Variants in PTPRN2 observed in about 807,000 individuals in gnomAD.
PTPRN2 encodes receptor-type tyrosine-protein phosphatase N2.
Under a neutral mutation model 118.8 loss-of-function variants are expected in PTPRN2, and 74 were observed. The ratio of observed to expected loss-of-function variants is 0.62; its 90% CI spans 0.52 to 0.76. PTPRN2 has a LOEUF of 0.76. Ranked by LOEUF, PTPRN2 falls within the 30% of genes least tolerant of loss-of-function variation. The probability of loss-of-function intolerance (pLI) is 0.00; values close to 1 mark genes in which losing one functional copy is unlikely to be tolerated. For synonymous variants in PTPRN2, 641 were observed against 608.0 expected (o/e 1.05, Z -0.80); for missense variants, 1,481 against 1,394.4 (o/e 1.06, Z -0.99).
intron 2 of PTPRN2, among the ~76,000 whole-genome samples, chr7:158,404,606 G>A (rs1003727710): frequency 6.6e-6 from 1 of 152,072 alleles, no homozygotes; most frequent in Non-Finnish European, 1.5e-5. Flanking sequence ...CGGGAGTCCT[G>A]TGCCAGAAAC....
At chr7:158,318,101 G>A (rs1319252637) in intron 2 of PTPRN2, among the ~76,000 whole-genome samples, 2 of 152,124 alleles carry the variant, frequency 1.3e-5, no homozygotes, top group African/African-American at 4.8e-5. Flanking sequence ...ATGCCTGCGA[G>A]GCCACACAAA....
chr7:158,090,469 T>C (rs1044249457), intron 10 of PTPRN2, among the ~76,000 whole-genome samples: 1 of 152,260 alleles, frequency 6.6e-6, no homozygotes, highest in Non-Finnish European at 1.5e-5. Context: ...ACTGTAATTT[T>C]AGCTATAGTT....
chr7:158,272,697 C>T lies in PTPRN2; in HGVS notation c.277+44122G>A, dbSNP rs1798595243. On this transcript the variant is annotated intron_variant, in intron 3 of 22. Transcript: ENST00000389418. ...GTGAGGGGAGGTCTCAGCGCCACTG[C>T]CGGGATAAGCCCTCAGGATGGAGAC... Among the ~76,000 whole-genome samples the T allele has an allele frequency of 3.3e-5, 5 of 152,302 alleles. No individual in the cohort carries two copies. The South Asian group carries it at 1.0e-3, about 32-fold the overall frequency.
intron 11 of PTPRN2, among the ~76,000 whole-genome samples, chr7:158,045,922 G>T (rs35501365): frequency 0.57 from 69,954 of 122,260 alleles, 19,668 homozygotes; most frequent in African/African-American, 0.64. Flanking sequence ...TGACACTGCC[G>T]TGTTCTGTCC....
rs11974503 is a variant in PTPRN2 at position 158,112,709 on chromosome 7, T to C, written c.1557-1794A>G. On this transcript the variant is annotated intron_variant, in intron 9 of 22. Transcript: ENST00000389418. The stretch of plus-strand genomic sequence containing the variant: ...TGCTGAGGGGCGACGTGTCTGTCAG[T>C]GCAGAGGTCAAAGGCCCCAGCGGGG... 3.4e-3 allele frequency among the ~76,000 whole-genome samples: 520 copies of C among 150,844 alleles called. 5 individuals carry two copies. The highest frequency in any genetic ancestry group is 0.012 in the African/African-American group (499 of 40,964).
chr7:158,325,663 G>A (rs1803443890), intron 2 of PTPRN2, among the ~76,000 whole-genome samples: 1 of 152,220 alleles, frequency 6.6e-6, no homozygotes, highest in South Asian at 2.1e-4. Flanking sequence ...CGAAGCCTTT[G>A]CAGATGAGAG....
At chr7:158,192,126 G>C (rs1002613648) in intron 5 of PTPRN2, among the ~76,000 whole-genome samples, 2 of 152,176 alleles carry the variant, frequency 1.3e-5, no homozygotes, top group African/African-American at 4.8e-5. Context: ...AGAGGACTAA[G>C]CATTTGTGGG....
Position 158,581,503 on chromosome 7 carries a change from AAAAAG to A in PTPRN2, c.112+6050_112+6054del, listed in dbSNP as rs201608602. Reference sequence around the variant, plus strand: ...AATCTATATGTAACACAGTACACCAAAAAAGAAAAGTCCATTTTACTTTATGATAA... The same window carrying A: ...AATCTATATGTAACACAGTACACCAAAAAAGTCCATTTTACTTTATGATAA... On this transcript the variant is annotated intron_variant, in intron 1 of 22. Coordinates refer to ENST00000389418, the MANE Select transcript of PTPRN2 (RefSeq NM_002847.5). Among the ~76,000 whole-genome samples, 417 of 152,290 alleles carry A rather than the reference AAAAAG, an allele frequency of 2.7e-3. 3 individuals carry two copies. The highest frequency in any genetic ancestry group is 9.5e-3 in the African/African-American group (394 of 41,546).
At chr7:157,878,635 C>T (rs1336102610) in intron 12 of PTPRN2, among the ~76,000 whole-genome samples, 36 of 143,562 alleles carry the variant, frequency 2.5e-4, no homozygotes, top group Non-Finnish European at 4.8e-4. Context: ...CATGCACCCA[C>T]GCTTACTCAC....
chr7:158,424,165 C>T (rs1815493406), intron 2 of PTPRN2, among the ~76,000 whole-genome samples: 1 of 152,100 alleles, frequency 6.6e-6, no homozygotes, highest in Non-Finnish European at 1.5e-5. Flanking sequence ...GTACACAAGG[C>T]GCATCCCACA....
chr7:158,226,771 C>T (rs1045003692), intron 3 of PTPRN2, among the ~76,000 whole-genome samples: 2 of 150,678 alleles, frequency 1.3e-5, no homozygotes, highest in Admixed American at 1.3e-4. Context: ...ACCCTAATCG[C>T]GTGGGAGCCT....
Position 157,944,505 on chromosome 7 carries a change from C to A in PTPRN2, c.1724-45768G>T, listed in dbSNP as rs1322394750. ...AAAATTCTTCTTTTTAAAAAAGTTT[C>A]ATGGAAAAAGCTTCCTGCAAGCATC... On this transcript the variant is annotated intron_variant, in intron 11 of 22. Transcript: ENST00000389418. This position sits in a 1 kb window ranked among gnomAD's most constrained non-coding sequence, Gnocchi z 4.3. Among the ~76,000 whole-genome samples the A allele has an allele frequency of 6.6e-6, 1 of 152,192 alleles. No homozygotes were observed. Among genetic ancestry groups the A allele is most frequent in the Non-Finnish European group, 1.5e-5 (1 of 68,026 alleles).
In PTPRN2 at chr7:157,779,645, G is replaced by C. The variant is rs371108742; in HGVS notation, c.1789-96708C>G. Among the ~76,000 whole-genome samples the C allele has an allele frequency of 2.6e-5, 4 of 152,174 alleles. No individual in the cohort carries two copies. The highest frequency in any genetic ancestry group is 5.9e-5 in the Non-Finnish European group (4 of 68,034). On this transcript the variant is annotated intron_variant, in intron 12 of 22. Coordinates refer to ENST00000389418, the MANE Select transcript of PTPRN2 (RefSeq NM_002847.5). The surrounding 1 kb of genome is among the most constrained non-coding windows in gnomAD (Gnocchi z 4.7). ...CTGCAGGAGTCTCCGAAGCACAAAGGCTGACCCTAGACTCTGGCCAGGACG... is the reference window on the plus strand; with the variant it reads ...CTGCAGGAGTCTCCGAAGCACAAAGCCTGACCCTAGACTCTGGCCAGGACG...
chr7:158,046,790 G>C (rs1279150858), intron 11 of PTPRN2, among the ~76,000 whole-genome samples: 1 of 152,116 alleles, frequency 6.6e-6, no homozygotes, highest in Admixed American at 6.5e-5. Context: ...TTTTGGAGAC[G>C]GCAGGACGGG....
intron 2 of PTPRN2, among the ~76,000 whole-genome samples, chr7:158,475,829 G>A (rs913770588): frequency 5.3e-5 from 8 of 152,144 alleles, no homozygotes; most frequent in African/African-American, 1.9e-4. Context: ...CATCATTAAG[G>A]CAGTCTCACG....
At chr7:158,113,472 C>T (rs1816457576) in intron 9 of PTPRN2, among the ~76,000 whole-genome samples, 3 of 152,118 alleles carry the variant, frequency 2.0e-5, no homozygotes. Flanking sequence ...CAGGCAGAGG[C>T]CTTAGGCAGG....
rs2128838484 is a variant in PTPRN2 at position 157,986,666 on chromosome 7, G to T, written c.1724-87929C>A. Reference sequence around the variant, plus strand: ...CCACGGTTTGATATTAGGACTGCTTGATTCAAGCCAATAGTGCTAAATTAG... The same window carrying T: ...CCACGGTTTGATATTAGGACTGCTTTATTCAAGCCAATAGTGCTAAATTAG... On this transcript the variant is annotated intron_variant, in intron 11 of 22. Coordinates refer to ENST00000389418, the MANE Select transcript of PTPRN2 (RefSeq NM_002847.5). This position sits in a 1 kb window ranked among gnomAD's most constrained non-coding sequence, Gnocchi z 4.5. Among the ~76,000 whole-genome samples the T allele has an allele frequency of 6.6e-6, 1 of 152,332 alleles. No individual in the cohort carries two copies. Among genetic ancestry groups the T allele is most frequent in the African/African-American group, 2.4e-5 (1 of 41,576 alleles).
chr7:158,293,511 G>A (rs111739229), intron 3 of PTPRN2, among the ~76,000 whole-genome samples: 1 of 152,048 alleles, frequency 6.6e-6, no homozygotes, highest in Admixed American at 6.5e-5. Context: ...AGGAGGCAGA[G>A]GTTGCAGTGA....
Position 158,088,189 on chromosome 7 carries a change from C to T in PTPRN2, c.1644-6812G>A, listed in dbSNP as rs1205268587. Among the ~76,000 whole-genome samples, 2 of 43,814 alleles carry T rather than the reference C, an allele frequency of 4.6e-5. 1 individual carries two copies. Among genetic ancestry groups the T allele is most frequent in the Non-Finnish European group, 1.7e-4 (2 of 11,468 alleles). 28.7% of individuals were successfully genotyped at this position (43,814 alleles called of 152,430 possible). A position where few individuals can be genotyped will look rare whatever the true frequency, so the allele number is the denominator to read the frequency against. ...AAGAGGGAGTCTTCACACAAACCTT[C>T]CTCCCCTGAGGAAAGAGGGAGTCTT... On this transcript the variant is annotated intron_variant, in intron 10 of 22. Coordinates refer to ENST00000389418, the MANE Select transcript of PTPRN2 (RefSeq NM_002847.5).
Sources: allele counts gnomAD v4.1 joint callset (sites outside exome capture counted in the v4.1 genomes callset), GRCh38; gene constraint gnomAD v4.1.1; non-coding constraint Gnocchi (gnomAD v3.1); transcripts MANE v1.5; gene names NCBI Gene and HGNC (gene_info 2026-07-23, HGNC 2026-07-21).